AFG2A: variants seen among roughly 807,000 people sequenced by gnomAD.
AFG2A encodes the protein AAA ATPase AFG2A.
chr4:123,008,060 G>A, the AFG2A span, among the ~76,000 whole-genome samples: 1 of 152,072 alleles, frequency 6.6e-6, no homozygotes, highest in South Asian at 2.1e-4. Flanking sequence ...TTGCTATAGA[G>A]GAATGCCTCA....
chr4:123,085,860 G>T, the AFG2A span, among the ~76,000 whole-genome samples: 1 of 150,886 alleles, frequency 6.6e-6, no homozygotes, highest in South Asian at 2.1e-4. Flanking sequence ...AAGTTTTTTG[G>T]GTTTTTTTGT....
chr4:123,315,731 C>G, the AFG2A span: 1 of 152,078 alleles, frequency 6.6e-6, no homozygotes, highest in Non-Finnish European at 1.5e-5. Flanking sequence ...ACAAGAAATA[C>G]CTGATTATCA....
chr4:122,955,006 A>G, the AFG2A span, among the ~76,000 whole-genome samples: 1 of 151,204 alleles, frequency 6.6e-6, no homozygotes, highest in Non-Finnish European at 1.5e-5. Flanking sequence ...TGCTCATGAA[A>G]TTTTTCTCCA....
chr4:123,053,863 C>G, the AFG2A span, among the ~76,000 whole-genome samples: 5 of 152,276 alleles, frequency 3.3e-5, no homozygotes, highest in South Asian at 2.1e-4. Flanking sequence ...TAGACTGGGT[C>G]TCCTCAGGAT....
chr4:123,077,789 G>T, the AFG2A span, among the ~76,000 whole-genome samples: 2,389 of 152,206 alleles, frequency 0.016, 61 homozygotes, highest in African/African-American at 0.053. Flanking sequence ...GGAGGGGGAC[G>T]TTGTTTCTTG....
chr4:123,191,604 C>A, the AFG2A span, among the ~76,000 whole-genome samples: 1 of 152,032 alleles, frequency 6.6e-6, no homozygotes, highest in Admixed American at 6.6e-5. Flanking sequence ...ATTTCTTTCT[C>A]TTCTGTATTC....
chr4:123,256,238 T>C, the AFG2A span: 26 of 1,576,760 alleles, frequency 1.6e-5, no homozygotes, highest in Middle Eastern at 5.1e-4. Flanking sequence ...TCAGGGTCAT[T>C]AAGCAAAATA....
the AFG2A span, among the ~76,000 whole-genome samples, chr4:122,924,750 C>T: frequency 6.6e-6 from 1 of 151,546 alleles, no homozygotes; most frequent in Non-Finnish European, 1.5e-5. Context: ...GATGTGGTTG[C>T]CTTTTAGCCA....
At chr4:122,986,470 T>C in the AFG2A span, among the ~76,000 whole-genome samples, 1 of 152,166 alleles carries the variant, frequency 6.6e-6, no homozygotes, top group African/African-American at 2.4e-5. Flanking sequence ...GTTAGGTGCA[T>C]ATTATTTTAA....
At chr4:123,077,608 G>A in the AFG2A span, among the ~76,000 whole-genome samples, 1 of 152,086 alleles carries the variant, frequency 6.6e-6, no homozygotes, top group African/African-American at 2.4e-5. Flanking sequence ...GATGCATATG[G>A]GCCATATGGA....
the AFG2A span, among the ~76,000 whole-genome samples, chr4:123,247,582 ATGTTTGTT>A: frequency 3.3e-5 from 5 of 149,496 alleles, no homozygotes; most frequent in East Asian, 2.0e-4. Context: ...GCTAATTTTT[ATGTTTGTT>A]TGTTTGTTTG....
At chr4:123,033,869 C>G in the AFG2A span, among the ~76,000 whole-genome samples, 7 of 152,052 alleles carry the variant, frequency 4.6e-5, no homozygotes, top group South Asian at 1.5e-3. Flanking sequence ...CTTAAAAAGG[C>G]AAATGAAAAA....
chr4:123,146,891 C>T, the AFG2A span, among the ~76,000 whole-genome samples: 1 of 152,134 alleles, frequency 6.6e-6, no homozygotes, highest in Non-Finnish European at 1.5e-5. Flanking sequence ...CTAGGGCAAC[C>T]TATGCTGTCA....
At chr4:122,926,778 A>G in the AFG2A span, among the ~76,000 whole-genome samples, 1 of 152,210 alleles carries the variant, frequency 6.6e-6, no homozygotes. Flanking sequence ...AAACCATTGT[A>G]TACTTATTTA....
At chr4:123,251,336 A>C in the AFG2A span, among the ~76,000 whole-genome samples, 6 of 152,144 alleles carry the variant, frequency 3.9e-5, no homozygotes, top group African/African-American at 1.4e-4. Flanking sequence ...ATGCTTAATA[A>C]TTTTTTTGAT....
At chr4:123,286,185 A>G in the AFG2A span, among the ~76,000 whole-genome samples, 27 of 152,288 alleles carry the variant, frequency 1.8e-4, no homozygotes, top group African/African-American at 6.3e-4. Context: ...CTGACTCCAC[A>G]GTGTTCTTAA....
At chr4:122,975,105 A>G in the AFG2A span, among the ~76,000 whole-genome samples, 2 of 152,216 alleles carry the variant, frequency 1.3e-5, no homozygotes, top group African/African-American at 4.8e-5. Flanking sequence ...AAAATACCAC[A>G]TACTTGGTAA....
the AFG2A span, among the ~76,000 whole-genome samples, chr4:123,205,392 A>G: frequency 2.0e-5 from 3 of 152,110 alleles, no homozygotes; most frequent in African/African-American, 4.8e-5. Flanking sequence ...CAGCCCCCCA[A>G]ATTTACAGGT....
At chr4:122,945,687 A>G in the AFG2A span, among the ~76,000 whole-genome samples, 2 of 152,178 alleles carry the variant, frequency 1.3e-5, no homozygotes, top group African/African-American at 2.4e-5. Flanking sequence ...CCCTAGTGAG[A>G]TGAACCTGGT....
Sources: allele counts gnomAD v4.1 joint callset (sites outside exome capture counted in the v4.1 genomes callset), GRCh38; gene constraint gnomAD v4.1.1; transcripts MANE v1.5; gene names NCBI Gene and HGNC (gene_info 2026-07-23, HGNC 2026-07-21).